ADAMTS3: variants seen among roughly 807,000 people sequenced by gnomAD.
ADAMTS3 encodes the protein A disintegrin and metalloproteinase with thrombospondin motifs 3.
ADAMTS3 carries 73 observed loss-of-function variants against 129.0 expected under a neutral mutation model. The ratio of observed to expected loss-of-function variants is 0.57; its 90% CI spans 0.47 to 0.69. ADAMTS3 has a LOEUF of 0.69. ADAMTS3 is among the 30% of genes least tolerant of loss of function. The probability of loss-of-function intolerance (pLI) is 0.00; values close to 1 mark genes in which losing one functional copy is unlikely to be tolerated. For missense variants in ADAMTS3, 1,457 were observed against 1,514.5 expected, an observed-to-expected ratio of 0.96 and a Z score of 0.63; for synonymous variants, 477 against 510.8, an observed-to-expected ratio of 0.93 and a Z score of 0.89.
intron 3 of ADAMTS3, among the ~76,000 whole-genome samples, chr4:72,477,719 C>CAA (rs1217033333): frequency 6.6e-6 from 1 of 151,738 alleles, no homozygotes; most frequent in Non-Finnish European, 1.5e-5. Flanking sequence ...AATAGAGACA[C>CAA]AAAAAACCCT....
chr4:72,480,388 CTTT>C (rs113213544), intron 3 of ADAMTS3, among the ~76,000 whole-genome samples: 2 of 152,272 alleles, frequency 1.3e-5, no homozygotes, highest in African/African-American at 4.8e-5. Context: ...AGTTCATGTC[CTTT>C]GTAGGGACAT....
At chr4:72,515,887 T>G (rs1413129190) in intron 3 of ADAMTS3, among the ~76,000 whole-genome samples, 9 of 152,316 alleles carry the variant, frequency 5.9e-5, no homozygotes, top group South Asian at 2.1e-4. Flanking sequence ...TTGCTTTTGG[T>G]GTTTTAGACA....
At chr4:72,529,307 T>A (rs1720896430) in intron 3 of ADAMTS3, among the ~76,000 whole-genome samples, 1 of 152,018 alleles carries the variant, frequency 6.6e-6, no homozygotes, top group South Asian at 2.1e-4. Context: ...AAATGTAGCA[T>A]CATATGGGAA....
chr4:72,530,510 T>G (rs1416970207), intron 3 of ADAMTS3, among the ~76,000 whole-genome samples: 1 of 87,790 alleles, frequency 1.1e-5, no homozygotes, highest in African/African-American at 4.7e-5. Context: ...AAATATATAT[T>G]TATATATAAA....
chr4:72,323,276 A>T (rs898401886), intron 5 of ADAMTS3, 179 bp from the exon 6 acceptor site: 1 of 583,550 alleles, frequency 1.7e-6, no homozygotes, highest in Non-Finnish European at 3.1e-6. Flanking sequence ...ATGTGTGGAT[A>T]TGTAAATTGC....
chr4:72,519,642 C>T (rs1720603564), intron 3 of ADAMTS3, among the ~76,000 whole-genome samples: 1 of 151,946 alleles, frequency 6.6e-6, no homozygotes, highest in African/African-American at 2.4e-5. Context: ...GCTCCTGAGG[C>T]TTCTGCATTC....
intron 3 of ADAMTS3, among the ~76,000 whole-genome samples, chr4:72,454,446 T>G (rs964156241): frequency 6.6e-6 from 1 of 151,754 alleles, no homozygotes; most frequent in Admixed American, 6.6e-5. Flanking sequence ...AAAAGTGGTT[T>G]GTAGTAGTTT....
intron 17 of ADAMTS3, among the ~76,000 whole-genome samples, chr4:72,298,985 T>C (rs1316247205): frequency 4.0e-5 from 6 of 151,558 alleles, no homozygotes. Flanking sequence ...CGAAAAATCA[T>C]AATTCTACCT....
At chr4:72,562,267 T>A (rs1322310997) in intron 2 of ADAMTS3, among the ~76,000 whole-genome samples, 2 of 152,212 alleles carry the variant, frequency 1.3e-5, no homozygotes, top group Non-Finnish European at 2.9e-5. Flanking sequence ...AATACTTTCC[T>A]AAGTTGCTAG....
chr4:72,391,049 T>C (rs1197929579), intron 4 of ADAMTS3, among the ~76,000 whole-genome samples: 1 of 152,094 alleles, frequency 6.6e-6, no homozygotes, highest in Non-Finnish European at 1.5e-5. Flanking sequence ...ATCTTCCCAC[T>C]GCAGTTTGCA....
intron 4 of ADAMTS3, among the ~76,000 whole-genome samples, chr4:72,352,298 C>T (rs1720460717): frequency 6.6e-6 from 1 of 151,946 alleles, no homozygotes; most frequent in Non-Finnish European, 1.5e-5. Flanking sequence ...AAGGGAAATC[C>T]AGTCTACAGG....
chr4:72,414,758 T>G (rs1722262380), intron 4 of ADAMTS3, 57 bp downstream of exon 4: 1 of 1,257,942 alleles, frequency 7.9e-7, no homozygotes, highest in South Asian at 2.9e-5. Flanking sequence ...ATGGGAGAGT[T>G]GTTTTCATCA....
chr4:72,290,332 A>G (rs921901551), intron 20 of ADAMTS3, among the ~76,000 whole-genome samples: 5 of 152,182 alleles, frequency 3.3e-5, no homozygotes, highest in Non-Finnish European at 7.3e-5. Context: ...CAGGAAAGGT[A>G]CCACCTGGAA....
At chr4:72,439,760 A>G (rs1718061458) in intron 3 of ADAMTS3, among the ~76,000 whole-genome samples, 1 of 151,766 alleles carries the variant, frequency 6.6e-6, no homozygotes, top group African/African-American at 2.4e-5. Flanking sequence ...GTGTACCTAC[A>G]GTTGCTATGG....
intron 3 of ADAMTS3, among the ~76,000 whole-genome samples, chr4:72,523,930 A>G (rs1403877241): frequency 6.6e-6 from 1 of 152,184 alleles, no homozygotes; most frequent in Non-Finnish European, 1.5e-5. Flanking sequence ...GGAAAAAATA[A>G]CTAATTTGCC....
At chr4:72,318,895 G>T (rs1278746999) in intron 9 of ADAMTS3, among the ~76,000 whole-genome samples, 191 bp from the exon 10 acceptor site, 7 of 152,122 alleles carry the variant, frequency 4.6e-5, no homozygotes, top group Non-Finnish European at 1.0e-4. Flanking sequence ...CTGTATTCAT[G>T]CCAGGAAAGT....
chr4:72,358,433 G>A (rs1357036142), intron 4 of ADAMTS3, among the ~76,000 whole-genome samples: 2 of 151,890 alleles, frequency 1.3e-5, no homozygotes, highest in East Asian at 1.9e-4. Context: ...TGCAGGTCCC[G>A]AAACAGCTAG....
intron 15 of ADAMTS3, among the ~76,000 whole-genome samples, chr4:72,307,589 G>T (rs937546696): frequency 6.6e-6 from 1 of 151,896 alleles, no homozygotes; most frequent in African/African-American, 2.4e-5. Context: ...TATTTTATTA[G>T]GCAAGTTATA....
intron 4 of ADAMTS3, among the ~76,000 whole-genome samples, chr4:72,389,529 CAA>C (rs76473738): frequency 2.8e-4 from 38 of 134,280 alleles, no homozygotes; most frequent in Non-Finnish European, 4.1e-4. Flanking sequence ...ATGAAAAAAA[CAA>C]AAAAAAAAAA....
Sources: allele counts gnomAD v4.1 joint callset (sites outside exome capture counted in the v4.1 genomes callset), GRCh38; gene constraint gnomAD v4.1.1; transcripts MANE v1.5; gene names NCBI Gene and HGNC (gene_info 2026-07-23, HGNC 2026-07-21).